The following CFAP299 variants were observed in gnomAD, a reference collection of about 807,000 sequenced individuals.
CFAP299 encodes the protein cilia- and flagella-associated protein 299.
In CFAP299, 21 loss-of-function variants were observed where a neutral mutation model predicts 27.0. That is an observed-to-expected ratio of 0.78 (90% CI 0.55 to 1.12). CFAP299 has a LOEUF of 1.12. CFAP299 is among the 50% of genes most tolerant of loss of function. The pLI is 0.00. For missense variants in CFAP299, 310 were observed against 276.6 expected (o/e 1.12, Z -0.86); for synonymous variants, 104 against 98.1 (o/e 1.06, Z -0.36).
rs1318814488 is a variant in CFAP299 at position 80,448,957 on chromosome 4, C to T, written c.242+86073C>T. On this transcript the variant is annotated intron_variant, in intron 2 of 5. Coordinates refer to ENST00000358105, the MANE Select transcript of CFAP299 (RefSeq NM_152770.3). ...GTGGCCATCTAATCTCCTACCTCCT[C>T]ATGGGCAGAACCTAATTAAAAGCAT... 2.6e-5 allele frequency among the ~76,000 whole-genome samples: 4 copies of T among 152,268 alleles called. No homozygotes were observed. In the East Asian group the frequency reaches 7.7e-4, roughly 29 times the overall value.
chr4:80,912,903 G>C (rs924511218), intron 4 of CFAP299, among the ~76,000 whole-genome samples: 2 of 152,096 alleles, frequency 1.3e-5, no homozygotes, highest in African/African-American at 4.8e-5. Context: ...AAAAACAGGA[G>C]TGCGGAATAG....
intron 3 of CFAP299, among the ~76,000 whole-genome samples, chr4:80,788,497 A>G (rs894131074): frequency 2.0e-5 from 3 of 151,952 alleles, no homozygotes; most frequent in Non-Finnish European, 4.4e-5. Context: ...TCAATTAAAT[A>G]TATTGACATA....
intron 2 of CFAP299, among the ~76,000 whole-genome samples, chr4:80,471,466 G>A (rs1392840417): frequency 6.6e-6 from 1 of 150,576 alleles, no homozygotes; most frequent in African/African-American, 2.4e-5. Flanking sequence ...AAGATCTGGC[G>A]GCATTAATTT....
intron 2 of CFAP299, among the ~76,000 whole-genome samples, chr4:80,508,618 GT>G (rs1340738763): frequency 6.6e-6 from 1 of 152,102 alleles, no homozygotes; most frequent in African/African-American, 2.4e-5. Flanking sequence ...GAGTGCAGTG[GT>G]GTGATCATGG....
chr4:80,880,528 G>C (rs1733641009), intron 4 of CFAP299, among the ~76,000 whole-genome samples: 2 of 152,098 alleles, frequency 1.3e-5, no homozygotes, highest in East Asian at 3.9e-4. Flanking sequence ...TCAGGAATTT[G>C]AGACCAGCCT....
chr4:80,792,739 C>A (rs1482682712), intron 3 of CFAP299, among the ~76,000 whole-genome samples: 1 of 152,016 alleles, frequency 6.6e-6, no homozygotes, highest in Non-Finnish European at 1.5e-5. Context: ...TTTCACAGCC[C>A]AGCTTGTGTA....
chr4:80,566,376 C>A (rs1303047298), intron 2 of CFAP299, among the ~76,000 whole-genome samples: 2 of 152,006 alleles, frequency 1.3e-5, no homozygotes, highest in Non-Finnish European at 2.9e-5. Context: ...CTGCTCTGAA[C>A]ATTGAAGAGC....
At chr4:80,805,359 G>A (rs1274131323) in intron 3 of CFAP299, among the ~76,000 whole-genome samples, 2 of 152,016 alleles carry the variant, frequency 1.3e-5, no homozygotes, top group East Asian at 3.8e-4. Flanking sequence ...AAACTTCAGA[G>A]GAAAGTGAAA....
At chr4:80,876,925 G>A (rs1451824942) in intron 4 of CFAP299, among the ~76,000 whole-genome samples, 11 of 152,082 alleles carry the variant, frequency 7.2e-5, no homozygotes, top group Admixed American at 7.2e-4. Context: ...TGGCCATCCT[G>A]TACCCACCCT....
At chr4:80,917,439 T>G (rs1056393931) in intron 4 of CFAP299, among the ~76,000 whole-genome samples, 1 of 152,180 alleles carries the variant, frequency 6.6e-6, no homozygotes, top group Non-Finnish European at 1.5e-5. Context: ...GCCTTTTGGT[T>G]TCTAGATTTG....
chr4:80,525,006 G>C (rs113790609), intron 2 of CFAP299, among the ~76,000 whole-genome samples: 1 of 152,070 alleles, frequency 6.6e-6, no homozygotes. Context: ...CTTTTTGCTG[G>C]CTGTTAGATA....
At chr4:80,390,664 T>C (rs1725334421) in intron 2 of CFAP299, among the ~76,000 whole-genome samples, 1 of 146,920 alleles carries the variant, frequency 6.8e-6, no homozygotes, top group South Asian at 2.1e-4. Flanking sequence ...CACATATGTA[T>C]ATATGTATAC....
chr4:80,384,299 A>AT (rs980790353), intron 2 of CFAP299, among the ~76,000 whole-genome samples: 91 of 152,106 alleles, frequency 6.0e-4, no homozygotes, highest in Admixed American at 5.6e-3. Context: ...ATATATTTTT[A>AT]TTTTTTCTGG....
intron 3 of CFAP299, among the ~76,000 whole-genome samples, chr4:80,663,528 T>A (rs902661678): frequency 1.3e-5 from 2 of 152,224 alleles, no homozygotes; most frequent in African/African-American, 4.8e-5. Flanking sequence ...CTTTATCCAG[T>A]CTATCATTGA....
At chr4:80,413,849 A>C (rs1726859372) in intron 2 of CFAP299, among the ~76,000 whole-genome samples, 1 of 142,722 alleles carries the variant, frequency 7.0e-6, no homozygotes, top group Non-Finnish European at 1.5e-5. Context: ...CTTTCTGTCC[A>C]AGCAGTTAGA....
intron 3 of CFAP299, among the ~76,000 whole-genome samples, chr4:80,599,294 TA>T (rs1282743762): frequency 1.3e-5 from 2 of 152,164 alleles, no homozygotes; most frequent in South Asian, 4.1e-4. Context: ...ATAATTTGTT[TA>T]TGAAATTACA....
chr4:80,814,764 G>C (rs994426802), intron 3 of CFAP299, among the ~76,000 whole-genome samples: 2 of 151,316 alleles, frequency 1.3e-5, no homozygotes, highest in Non-Finnish European at 3.0e-5. Flanking sequence ...GTGAATATTG[G>C]CACTAGAAAA....
chr4:80,768,721 C>G (rs1423854676), intron 3 of CFAP299, among the ~76,000 whole-genome samples: 1 of 152,020 alleles, frequency 6.6e-6, no homozygotes, highest in Non-Finnish European at 1.5e-5. Flanking sequence ...TGATCTATTT[C>G]AATTCAATAT....
intron 2 of CFAP299, among the ~76,000 whole-genome samples, chr4:80,447,682 A>C (rs1179713764): frequency 6.7e-6 from 1 of 148,778 alleles, no homozygotes; most frequent in Non-Finnish European, 1.5e-5. Context: ...GAAACTCCTG[A>C]CCTCAGGTGA....
Sources: gnomAD v4.1 joint callset for allele counts (sites outside exome capture counted in the v4.1 genomes callset) on GRCh38, gnomAD v4.1.1 for gene constraint, MANE v1.5 for transcripts, NCBI Gene and HGNC (gene_info 2026-07-23, HGNC 2026-07-21) for gene names.